Variants in SLIT3 observed in about 807,000 individuals in gnomAD.
SLIT3 encodes slit guidance ligand 3.
A neutral mutation model predicts 184.0 loss-of-function variants in SLIT3; 68 were observed. The observed-to-expected ratio is 0.37, with a 90% CI of 0.30 to 0.45. The LOEUF (loss-of-function observed/expected upper bound fraction) is 0.45, where lower values mean the gene tolerates loss of function less well. SLIT3 is among the 20% of genes least tolerant of loss of function. The pLI, the probability that SLIT3 is intolerant of heterozygous loss-of-function variation, is 1.00. For missense variants in SLIT3, 1,707 were observed against 2,026.0 expected (o/e 0.84, Z 3.02); for synonymous variants, 831 against 828.6 (o/e 1.00, Z -0.05).
intron 4 of SLIT3, among the ~76,000 whole-genome samples, chr5:168,925,813 T>C (rs1361657848): frequency 1.3e-5 from 2 of 152,276 alleles, no homozygotes; most frequent in South Asian, 2.1e-4. Context: ...GTTTGTTATA[T>C]TTAAAGGCAG....
intron 4 of SLIT3, among the ~76,000 whole-genome samples, chr5:169,190,573 T>G (rs1763522444): frequency 6.6e-6 from 1 of 152,236 alleles, no homozygotes; most frequent in Admixed American, 6.5e-5. Context: ...AAAGCCTGTT[T>G]TTATTACATG....
intron 4 of SLIT3, 98 bp from the exon 5 acceptor site, chr5:168,883,434 C>T (rs77962363): frequency 0.091 from 81,532 of 897,862 alleles, 4,383 homozygotes; most frequent in South Asian, 0.14. Context: ...CAGGCTGCTG[C>T]CTCTGCGGTC....
intron 3 of SLIT3, among the ~76,000 whole-genome samples, chr5:169,229,183 GC>G (rs1258597513): frequency 6.6e-6 from 1 of 151,942 alleles, no homozygotes; most frequent in Non-Finnish European, 1.5e-5. Context: ...TCCTTGTTAT[GC>G]TTTGAAATGC....
chr5:168,746,087 C>T (rs917677436), intron 20 of SLIT3, among the ~76,000 whole-genome samples: 1 of 152,220 alleles, frequency 6.6e-6, no homozygotes, highest in Non-Finnish European at 1.5e-5. Context: ...CTTCGATATG[C>T]ACTGGGAAAC....
At chr5:168,860,581 T>A (rs965037609) in intron 5 of SLIT3, among the ~76,000 whole-genome samples, 3 of 152,196 alleles carry the variant, frequency 2.0e-5, no homozygotes, top group East Asian at 1.9e-4. Context: ...AGCTAGCTCA[T>A]TCCTAGAGAT....
chr5:168,772,697 T>C, intron 14 of SLIT3, 84 bp downstream of exon 14: 1 of 1,486,070 alleles, frequency 6.7e-7, no homozygotes, highest in Non-Finnish European at 9.3e-7. Context: ...CAGTGCTCGC[T>C]GTCCTCCAGA....
chr5:169,278,323 C>G (rs994199940), intron 1 of SLIT3, among the ~76,000 whole-genome samples: 1 of 152,178 alleles, frequency 6.6e-6, no homozygotes, highest in African/African-American at 2.4e-5. Flanking sequence ...TTGGTAACAC[C>G]TGAAAAGTAG....
At chr5:169,100,921 T>C (rs1759985228) in intron 4 of SLIT3, among the ~76,000 whole-genome samples, 1 of 152,228 alleles carries the variant, frequency 6.6e-6, no homozygotes, top group African/African-American at 2.4e-5. Flanking sequence ...AGTTGCTGCC[T>C]CTCAAAGTGT....
At chr5:168,814,265 T>C (rs192777223) in intron 8 of SLIT3, among the ~76,000 whole-genome samples, 1 of 152,042 alleles carries the variant, frequency 6.6e-6, no homozygotes, top group East Asian at 1.9e-4. Context: ...GGCAGGGTGG[T>C]AGGTGCCTGT....
chr5:168,897,646 G>GCGCGCGCGCGCGCGCGCACA, intron 4 of SLIT3, among the ~76,000 whole-genome samples: 7 of 105,380 alleles, frequency 6.6e-5, no homozygotes, highest in Admixed American at 9.4e-5. Context: ...ACAGGTGCAC[G>GCGCGCGCGCGCGCGCGCACA]TACACACACA....
rs1764622022 is a variant in SLIT3, at chr5:169,221,634, C to A, written c.341+23071G>T. ...CAAGGGTGGGTGGTCACTACCCCAG[C>A]TCCTCTCAGGTGATGTGTGGTGTGT... On this transcript the variant is annotated intron_variant, in intron 3 of 35. Coordinates refer to ENST00000519560, the MANE Select transcript of SLIT3 (RefSeq NM_003062.4). Among the ~76,000 whole-genome samples, 3 of 152,180 alleles carry A rather than the reference C, an allele frequency of 2.0e-5. No homozygotes were observed. The South Asian group carries it at 6.2e-4, about 32-fold the overall frequency.
intron 4 of SLIT3, among the ~76,000 whole-genome samples, chr5:169,096,487 G>T (rs932278956): frequency 1.3e-5 from 2 of 152,232 alleles, no homozygotes; most frequent in Non-Finnish European, 1.5e-5. Context: ...CTGCCCTTGT[G>T]CCTGAAAAGC....
chr5:169,012,379 G>A (rs1756189607), intron 4 of SLIT3: 1 of 152,188 alleles, frequency 6.6e-6, no homozygotes, highest in South Asian at 2.1e-4. Context: ...TCTGCTCAGA[G>A]TGCAGTGCTC....
chr5:168,938,491 G>A lies in SLIT3; in HGVS notation c.414-55155C>T, dbSNP rs1762230684. On this transcript the variant is annotated intron_variant, in intron 4 of 35. Transcript: ENST00000519560. ...TTGTACTGTTGCAGCAGTGGCCAAT[G>A]ATGATACTGTTGTTTTCTAGAACAA... 1.3e-5 allele frequency among the ~76,000 whole-genome samples: 2 copies of A among 152,200 alleles called. 1 individual carries two copies. Among genetic ancestry groups the A allele is most frequent in the South Asian group, 4.1e-4 (2 of 4,828 alleles).
chr5:169,209,853 T>C (rs114923994), intron 3 of SLIT3, among the ~76,000 whole-genome samples: 4,451 of 152,100 alleles, frequency 0.029, 232 homozygotes, highest in African/African-American at 0.1. Context: ...TAGAAGATGG[T>C]TTGACGGGGT....
chr5:168,773,376 A>G (rs1024714347), intron 13 of SLIT3, among the ~76,000 whole-genome samples: 2 of 152,172 alleles, frequency 1.3e-5, no homozygotes, highest in African/African-American at 4.8e-5. Flanking sequence ...CATATATAGT[A>G]GCGGGTATTG....
chr5:169,039,018 C>T (rs760090266), intron 4 of SLIT3, among the ~76,000 whole-genome samples: 10 of 152,036 alleles, frequency 6.6e-5, no homozygotes, highest in Non-Finnish European at 1.2e-4. Flanking sequence ...ATTGAAACAT[C>T]GGGATAGGAT....
intron 1 of SLIT3, among the ~76,000 whole-genome samples, chr5:169,269,513 C>T (rs1053902558): frequency 5.9e-5 from 9 of 152,268 alleles, no homozygotes; most frequent in Non-Finnish European, 1.5e-5. Flanking sequence ...TCAGGCAACT[C>T]TCCCATCTGT....
rs111558300 is a variant in SLIT3 at position 169,149,930 on chromosome 5, G to A, written c.413+43549C>T. ...GAACTATGCCAAGTACTATCACTGC[G>A]TATCTCCTTTAATTCTCATTTGATC... On this transcript the variant is annotated intron_variant, in intron 4 of 35. Transcript: ENST00000519560. 2.3e-3 allele frequency among the ~76,000 whole-genome samples: 345 copies of A among 152,256 alleles called. 4 individuals carry two copies. The highest frequency in any genetic ancestry group is 7.8e-3 in the African/African-American group (322 of 41,548).
Sources: allele counts gnomAD v4.1 joint callset (sites outside exome capture counted in the v4.1 genomes callset), GRCh38; gene constraint gnomAD v4.1.1; transcripts MANE v1.5; gene names NCBI Gene and HGNC (gene_info 2026-07-23, HGNC 2026-07-21).